The following CALB2 variants were observed in gnomAD, a reference collection of about 807,000 sequenced individuals.
CALB2 encodes calretinin.
CALB2 carries 34 observed loss-of-function variants against 45.9 expected under a neutral mutation model. The observed-to-expected ratio is 0.74, with a 90% CI of 0.56 to 0.99. CALB2 has a LOEUF of 0.99. CALB2 is among the 50% of genes least tolerant of loss of function. The pLI, the probability that CALB2 is intolerant of heterozygous loss-of-function variation, is 0.00. For missense variants in CALB2, 344 were observed against 339.3 expected (o/e 1.01, Z -0.11); for synonymous variants, 142 against 129.6 (o/e 1.10, Z -0.65).
At chr16:71,383,847 C>G (rs559642754) in intron 6 of CALB2, 123 bp from the exon 7 acceptor site, 135 of 1,132,276 alleles carry the variant, frequency 1.2e-4, no homozygotes, top group Middle Eastern at 5.9e-4. Flanking sequence ...TTGGCCCCTA[C>G]GGACCTCAGA....
At chr16:71,384,752 G>T in intron 8 of CALB2, 31 bp from the exon 9 acceptor site, 1 of 1,162,742 alleles carries the variant, frequency 8.6e-7, no homozygotes, top group Non-Finnish European at 1.1e-6. Context: ...CTGCGCTTCT[G>T]CTTCTGTCTT....
At chr16:71,372,890 TTGAGGATTGC>T (rs2042369197) in intron 2 of CALB2, among the ~76,000 whole-genome samples, 1 of 152,112 alleles carries the variant, frequency 6.6e-6, no homozygotes, top group Non-Finnish European at 1.5e-5. Flanking sequence ...TAGAGGAAAA[TTGAGGATTGC>T]TCTCAGCCAG....
In CALB2 at chr16:71,384,946, G is replaced by A. The variant is rs143336859; in HGVS notation, c.627+110G>A. The stretch of plus-strand genomic sequence containing the variant: ...CAGCTTTCCAGGGGTGGCCTGGGCC[G>A]TGTGGTTTCTTCCTGCCGCATCTTC... On this transcript the variant is annotated intron_variant, in intron 9 of 10. Transcript: ENST00000302628. 4.1e-4 allele frequency: 372 copies of A among 898,510 alleles called. No individual in the cohort carries two copies. In the African/African-American group the frequency reaches 4.7e-3, roughly 11 times the overall value. The allele number at this position is 898,510 out of a possible 1,614,324, so 55.7% of individuals were successfully genotyped here. A position where few individuals can be genotyped will look rare whatever the true frequency, so the allele number is the denominator to read the frequency against.
At chr16:71,385,357 G>T in intron 9 of CALB2, 1 of 474,700 alleles carries the variant, frequency 2.1e-6, no homozygotes, top group East Asian at 3.2e-5. Flanking sequence ...CACATGAAAA[G>T]CACCACAATG....
chr16:71,361,647 TAAACAA>T (rs1784539417), intron 1 of CALB2, among the ~76,000 whole-genome samples: 1 of 152,122 alleles, frequency 6.6e-6, no homozygotes, highest in Admixed American at 6.5e-5. Context: ...TGGCTGGTAG[TAAACAA>T]AGACAAAGAG....
At chr16:71,378,610 C>T (rs2042445247) in intron 4 of CALB2, among the ~76,000 whole-genome samples, 1 of 152,244 alleles carries the variant, frequency 6.6e-6, no homozygotes, top group East Asian at 1.9e-4. Context: ...TCCATTTTAA[C>T]AAGATCCCCA....
intron 10 of CALB2, among the ~76,000 whole-genome samples, chr16:71,388,621 G>A (rs891481018): frequency 6.6e-6 from 1 of 152,088 alleles, no homozygotes; most frequent in South Asian, 2.1e-4. Flanking sequence ...CTGAACACAA[G>A]AAGCCAGTGA....
chr16:71,384,919 G>C, intron 9 of CALB2, 83 bp downstream of exon 9: 6 of 1,218,960 alleles, frequency 4.9e-6, no homozygotes, highest in Non-Finnish European at 7.3e-6. Context: ...CCTGGGAAGA[G>C]ACAGCTTTCC....
intron 1 of CALB2, among the ~76,000 whole-genome samples, chr16:71,363,390 T>C (rs949921961): frequency 1.8e-4 from 28 of 152,164 alleles, no homozygotes; most frequent in African/African-American, 1.7e-4. Flanking sequence ...GTTCCTTATC[T>C]ATGTGGACCC....
chr16:71,377,948 G>A (rs1223922967), intron 4 of CALB2, among the ~76,000 whole-genome samples: 1 of 152,232 alleles, frequency 6.6e-6, no homozygotes, highest in East Asian at 1.9e-4. Context: ...GGGGCCAGGA[G>A]TGGTGGCTCA....
At chr16:71,385,393 C>T (rs1394256811) in intron 9 of CALB2, 184 bp from the exon 10 acceptor site, 17 of 490,572 alleles carry the variant, frequency 3.5e-5, no homozygotes, top group Non-Finnish European at 3.6e-6. Context: ...CTTGCACCCA[C>T]TGCCACCTTC....
intron 1 of CALB2, among the ~76,000 whole-genome samples, chr16:71,362,759 G>GCT (rs35033641): frequency 0.24 from 36,624 of 152,146 alleles, 5,193 homozygotes; most frequent in South Asian, 0.39. Flanking sequence ...AATAATAGCG[G>GCT]CTCTCTCTGA....
At position 71,383,921 on chromosome 16, in the gene CALB2, T is replaced by G. The variant is rs567328459; in HGVS notation, c.478-49T>G. 3 of 1,602,426 alleles carry G rather than the reference T, an allele frequency of 1.9e-6. No homozygotes were observed. In the African/African-American group the frequency reaches 4.0e-5, roughly 21 times the overall value. ...CTCTCCAGTAAAAGGGGATGTCAGG[T>G]CAGAGAAATTCACAGCAAATAACCC... is the stretch of plus-strand genomic sequence containing the variant. On this transcript the variant is annotated intron_variant, in intron 6 of 10. Transcript: ENST00000302628.
intron 5 of CALB2, among the ~76,000 whole-genome samples, chr16:71,383,004 G>A (rs551198232): frequency 6.6e-6 from 1 of 152,128 alleles, no homozygotes; most frequent in African/African-American, 2.4e-5. Flanking sequence ...CTCCATGCTC[G>A]GGACAGGAGT....
rs748303893 is a variant in CALB2 at position 71,389,799 on chromosome 16, G to C, written c.750G>C (p.Leu250Phe). The change falls in exon 11 of 11, where the codon TTG (leucine) becomes TTC (phenylalanine). Residue 250 changes from leucine (L) to phenylalanine (F), a missense_variant. By Grantham distance (22) the Leu-to-Phe change is conservative. Around this residue, in one of 3 missense-constraint regions of CALB2, gnomAD observed 263 missense variants for 241.7 expected, o/e 1.09. Transcript: ENST00000302628. ...LTNYRKSVMS[L>F]AEAGKLYRKD... ...ACTACAGAAAGAGCGTCATGTCCTT[G>C]GCAGAGGCAGGGAAGCTCTACCGCA... 13 of 1,614,046 alleles carry C rather than the reference G, an allele frequency of 8.1e-6. No individual in the cohort carries two copies. The Admixed American group carries it at 1.8e-4, about 23-fold the overall frequency.
intron 10 of CALB2, among the ~76,000 whole-genome samples, chr16:71,387,781 T>C (rs137960604): frequency 1.2e-3 from 188 of 152,330 alleles, no homozygotes; most frequent in African/African-American, 3.9e-3. Flanking sequence ...TCTGATTAAG[T>C]GGCAGATATC....
chr16:71,379,074 T>C (rs4511543), intron 4 of CALB2, among the ~76,000 whole-genome samples: 131,229 of 152,102 alleles, frequency 0.86, 56,923 homozygotes, highest in African/African-American at 0.91. Context: ...ATCAGGAGTT[T>C]GAGGCCAGCC....
At chr16:71,387,315 C>T (rs1163833431) in intron 10 of CALB2, among the ~76,000 whole-genome samples, 4 of 152,162 alleles carry the variant, frequency 2.6e-5, no homozygotes, top group Non-Finnish European at 5.9e-5. Context: ...GGTCAGAGAG[C>T]AAGAATATTA....
intron 1 of CALB2, among the ~76,000 whole-genome samples, chr16:71,369,963 A>G (rs979005587): frequency 6.6e-6 from 1 of 151,894 alleles, no homozygotes; most frequent in Admixed American, 6.6e-5. Context: ...TCACTCCCCT[A>G]CTTTAGCCGG....
Sources: allele counts gnomAD v4.1 joint callset (sites outside exome capture counted in the v4.1 genomes callset), GRCh38; gene constraint gnomAD v4.1.1; regional missense constraint gnomAD v4.1.1; transcripts MANE v1.5; gene names NCBI Gene and HGNC (gene_info 2026-07-23, HGNC 2026-07-21).